The following SPATA1 variants were observed in gnomAD, a reference collection of about 807,000 sequenced individuals.
SPATA1 encodes spermatogenesis-associated protein 1.
Under a neutral mutation model 59.6 loss-of-function variants are expected in SPATA1, and 57 were observed. That is an observed-to-expected ratio of 0.96 (90% CI 0.77 to 1.19). The LOEUF is 1.19. Among genes scored for constraint, SPATA1 ranks in the 50% most tolerant of loss-of-function variants. The pLI is 0.00. For synonymous variants in SPATA1, 147 were observed against 163.9 expected (o/e 0.90, Z 0.79); for missense variants, 448 against 480.7 (o/e 0.93, Z 0.64).
intron 10 of SPATA1, among the ~76,000 whole-genome samples, chr1:84,547,479 G>A (rs933606693): frequency 6.6e-6 from 1 of 152,100 alleles, no homozygotes; most frequent in African/African-American, 2.4e-5. Context: ...CTTCCCTATG[G>A]GAAGAGACAG....
intron 6 of SPATA1, among the ~76,000 whole-genome samples, chr1:84,531,844 G>C (rs1179227387): frequency 2.0e-5 from 3 of 152,058 alleles, no homozygotes; most frequent in South Asian, 4.1e-4. Flanking sequence ...ACAGGCATAA[G>C]CCACCATGCC....
intron 4 of SPATA1, chr1:84,563,860 T>C: frequency 6.3e-7 from 1 of 1,592,642 alleles, no homozygotes; most frequent in Non-Finnish European, 8.5e-7. Flanking sequence ...AAAAAGCATA[T>C]TTGTTTCTCT....
chr1:84,565,715 G>A (rs1684686385), intron 4 of SPATA1, 146 bp from the exon 14 acceptor site: 1 of 456,480 alleles, frequency 2.2e-6, no homozygotes, highest in East Asian at 6.0e-5. Flanking sequence ...ATTTTTACAT[G>A]TTTGAAGCAA....
At chr1:84,536,646 G>C (rs1486873992) in intron 8 of SPATA1, among the ~76,000 whole-genome samples, 7 of 151,850 alleles carry the variant, frequency 4.6e-5, no homozygotes, top group South Asian at 2.1e-4. Context: ...GTGTTTCACC[G>C]TGTTAGCCAG....
intron 1 of SPATA1, among the ~76,000 whole-genome samples, chr1:84,507,856 A>G (rs899103975): frequency 6.1e-5 from 1 of 16,310 alleles, no homozygotes; most frequent in East Asian, 4.8e-3. Flanking sequence ...ACAGTTTCAG[A>G]AAAAAAAAAA....
intron 11 of SPATA1, chr1:84,549,986 A>G (rs1300245170): frequency 6.6e-6 from 1 of 151,966 alleles, no homozygotes; most frequent in Non-Finnish European, 1.5e-5. Flanking sequence ...GAGGACCACT[A>G]TAACTCATAA....
intron 8 of SPATA1, among the ~76,000 whole-genome samples, chr1:84,541,347 G>A (rs747718654): frequency 3.9e-5 from 6 of 152,070 alleles, no homozygotes; most frequent in Non-Finnish European, 8.8e-5. Context: ...GCAACAATTA[G>A]TCTTATCTTA....
intron 6 of SPATA1, among the ~76,000 whole-genome samples, chr1:84,530,194 T>C (rs1683414607): frequency 6.6e-6 from 1 of 152,154 alleles, no homozygotes; most frequent in African/African-American, 2.4e-5. Context: ...CTAAGATTCT[T>C]AAGGTAGCAT....
intron 1 of SPATA1, among the ~76,000 whole-genome samples, chr1:84,512,130 C>G (rs1029781275): frequency 2.0e-5 from 3 of 152,162 alleles, no homozygotes; most frequent in African/African-American, 7.2e-5. Context: ...ATAGACTTCA[C>G]GCCTTGGTGA....
intron 10 of SPATA1, among the ~76,000 whole-genome samples, chr1:84,548,294 G>A (rs1684155516): frequency 6.6e-6 from 1 of 151,640 alleles, no homozygotes. Context: ...AATCTCATTG[G>A]TATCAATGCA....
At chr1:84,525,187 G>T (rs561748477) in intron 4 of SPATA1, among the ~76,000 whole-genome samples, 2 of 152,106 alleles carry the variant, frequency 1.3e-5, no homozygotes, top group African/African-American at 4.8e-5. Context: ...GGCTGGCCTC[G>T]AACTCCTGAC....
chr1:84,566,489 T>TA (rs1337525314), downstream of SPATA1, among the ~76,000 whole-genome samples: 2 of 152,208 alleles, frequency 1.3e-5, no homozygotes, highest in Admixed American at 6.5e-5. Flanking sequence ...ACAATCACCT[T>TA]ATATGGTAGA....
intron 6 of SPATA1, 28 bp from the exon 7 acceptor site, chr1:84,532,832 A>T: frequency 7.0e-7 from 1 of 1,425,284 alleles, no homozygotes; most frequent in East Asian, 2.5e-5. Context: ...TCTGAACTTT[A>T]TTTGCTGTGG....
chr1:84,530,526 T>C (rs1211453182), intron 6 of SPATA1, among the ~76,000 whole-genome samples: 1 of 152,152 alleles, frequency 6.6e-6, no homozygotes, highest in Non-Finnish European at 1.5e-5. Context: ...AGTTTTTAAC[T>C]TGGCATGATT....
intron 7 of SPATA1, among the ~76,000 whole-genome samples, chr1:84,533,248 C>G (rs1429611130): frequency 1.3e-5 from 2 of 151,984 alleles, no homozygotes; most frequent in Admixed American, 1.3e-4. Flanking sequence ...GTCTTTGTTT[C>G]CCTTCATTAG....
At chr1:84,553,980 T>C (rs1001426224) in exon 13 of SPATA1, 1 of 152,106 alleles carries the variant, frequency 6.6e-6, no homozygotes, top group Admixed American at 6.6e-5. Context: ...AGCTAATCAG[T>C]GTCTTTAGAT....
chr1:84,547,306 G>A (rs963628031), intron 10 of SPATA1, among the ~76,000 whole-genome samples: 5 of 152,138 alleles, frequency 3.3e-5, no homozygotes, highest in Non-Finnish European at 7.4e-5. Flanking sequence ...TTTATGAAAT[G>A]GGAATGATCC....
chr1:84,533,965 A>T (rs1683576821), intron 8 of SPATA1, among the ~76,000 whole-genome samples, 199 bp downstream of exon 8: 1 of 152,108 alleles, frequency 6.6e-6, no homozygotes, highest in Non-Finnish European at 1.5e-5. Context: ...GGGAAAAGTT[A>T]TCCACCAACA....
chr1:84,558,495 T>G (rs1294751943), downstream of SPATA1, among the ~76,000 whole-genome samples: 7 of 150,998 alleles, frequency 4.6e-5, no homozygotes, highest in Admixed American at 6.6e-5. Context: ...GTTTCACCGT[T>G]TTAGCCGGGA....
Sources: gnomAD v4.1 joint callset for allele counts (sites outside exome capture counted in the v4.1 genomes callset) on GRCh38, gnomAD v4.1.1 for gene constraint, MANE v1.5 for transcripts, NCBI Gene and HGNC (gene_info 2026-07-23, HGNC 2026-07-21) for gene names.